QRFPR: variants seen among roughly 807,000 people sequenced by gnomAD.
QRFPR encodes pyroglutamylated RFamide peptide receptor.
A neutral mutation model predicts 31.3 loss-of-function variants in QRFPR; 37 were observed. The observed-to-expected ratio is 1.18, with a 90% CI of 0.91 to 1.56. The LOEUF (loss-of-function observed/expected upper bound fraction) is 1.56, where lower values mean the gene tolerates loss of function less well. Among genes scored for constraint, QRFPR ranks in the 40% most tolerant of loss-of-function variants. QRFPR has a pLI of 0.00. For synonymous variants in QRFPR, 197 were observed against 192.0 expected, an observed-to-expected ratio of 1.03 and a Z score of -0.22; for missense variants, 542 against 532.5, an observed-to-expected ratio of 1.02 and a Z score of -0.18.
Position 121,380,662 on chromosome 4 carries a change from G to T in QRFPR, c.-15C>A. 5 of 1,491,300 alleles carry T rather than the reference G, an allele frequency of 3.4e-6. No homozygotes were observed. The highest frequency in any genetic ancestry group is 4.5e-6 in the Non-Finnish European group (5 of 1,116,416). 92.4% of individuals were successfully genotyped at this position (1,491,300 alleles called of 1,614,324 possible). A position where few individuals can be genotyped will look rare whatever the true frequency, so the allele number is the denominator to read the frequency against. Reference sequence around the variant, plus strand: ...AGCGCCTGCATTGCTGTGCGCTCCCGGGACGCGGGGCCACCGCCCGCTACT... The same window carrying T: ...AGCGCCTGCATTGCTGTGCGCTCCCTGGACGCGGGGCCACCGCCCGCTACT... On this transcript the variant is annotated 5_prime_UTR_variant, in exon 1 of 6. Transcript: ENST00000394427.
chr4:121,339,178 G>A (rs1725492841), intron 2 of QRFPR, among the ~76,000 whole-genome samples: 1 of 152,164 alleles, frequency 6.6e-6, no homozygotes, highest in Non-Finnish European at 1.5e-5. Flanking sequence ...TCTTACAGCA[G>A]AAATAAATGT....
chr4:121,366,055 G>A (rs931479333), intron 1 of QRFPR, among the ~76,000 whole-genome samples: 15 of 149,120 alleles, frequency 1.0e-4, no homozygotes, highest in Admixed American at 2.0e-4. Flanking sequence ...TCTCAAACTA[G>A]TACCTGAGTT....
At chr4:121,330,067 CTG>C (rs1207994695) in intron 5 of QRFPR, among the ~76,000 whole-genome samples, 1 of 152,110 alleles carries the variant, frequency 6.6e-6, no homozygotes, top group Admixed American at 6.5e-5. Context: ...ATGGTAAGTC[CTG>C]GGTTATCAGA....
intron 1 of QRFPR, among the ~76,000 whole-genome samples, chr4:121,341,571 G>A (rs150996188): frequency 6.6e-6 from 1 of 152,278 alleles, no homozygotes; most frequent in East Asian, 1.9e-4. Flanking sequence ...GATGCCACAA[G>A]TAGAAAATTC....
chr4:121,330,519 T>G lies in QRFPR; in HGVS notation c.802A>C (p.Lys268Gln). 6.2e-7 allele frequency: 1 copy of G among 1,613,380 alleles called. No individual in the cohort carries two copies. Among genetic ancestry groups the G allele is most frequent in the South Asian group, 1.1e-5 (1 of 91,044 alleles). The change falls in exon 5 of 6, where the codon AAG becomes CAG. Residue 268 changes from lysine (K) to glutamine (Q), a missense_variant. Physicochemically the swap from Lys to Gln is moderately conservative, Grantham distance 53 (BLOSUM62 1). Transcript: ENST00000394427. ...ACCATCATAATGACAGCTCGTTTCT[T>G]CTTCCTAAACCCACAAGGAAACATT... is the stretch of plus-strand genomic sequence containing the variant. ...GKEMSKIARK[K>Q]KRAVIMMVTV...
At chr4:121,337,726 A>AT (rs1228658384) in intron 2 of QRFPR, among the ~76,000 whole-genome samples, 3 of 138,848 alleles carry the variant, frequency 2.2e-5, no homozygotes, top group Non-Finnish European at 3.2e-5. Context: ...TATAATAATA[A>AT]AAAAAAAAGA....
chr4:121,336,815 G>T lies in QRFPR; in HGVS notation c.553C>A (p.Gln185Lys). 1.2e-6 allele frequency: 2 copies of T among 1,612,924 alleles called. No individual in the cohort carries two copies. Among genetic ancestry groups the T allele is most frequent in the Non-Finnish European group, 1.7e-6 (2 of 1,178,874 alleles). Residue 185 changes from glutamine to lysine, a missense_variant, in exon 3 of 6, where the codon CAA becomes AAA. By Grantham distance (53) the Gln-to-Lys change is moderately conservative. Transcript: ENST00000394427. The stretch of plus-strand genomic sequence containing the variant: ...TCTCAACTGGAGTCTACCTCAAGTT[G>T]TTGCACGTGCCACATGGGTGATCCT... ...IVGSPMWHVQ[Q>K]LEIKYDFLYE...
At position 121,359,653 on chromosome 4, in the gene QRFPR, A is replaced by G. The variant is rs553644358; in HGVS notation, c.341-19043T>C. 1.6e-4 allele frequency among the ~76,000 whole-genome samples: 24 copies of G among 150,944 alleles called. No homozygotes were observed. In the South Asian group the frequency reaches 4.8e-3, roughly 30 times the overall value. On this transcript the variant is annotated intron_variant, in intron 1 of 5. Coordinates refer to ENST00000394427, the MANE Select transcript of QRFPR (RefSeq NM_198179.3). ...TATATATGTGTGTGTGTGTATATAT[A>G]TGTGTATATATATATATGTGTGTGT...
chr4:121,330,418 G>A lies in QRFPR; in HGVS notation c.895+8C>T, dbSNP rs1217334263. 6.4e-7 allele frequency: 1 copy of A among 1,570,266 alleles called. No homozygotes were observed. The highest frequency in any genetic ancestry group is 1.1e-5 in the South Asian group (1 of 89,752). On this transcript the variant is annotated splice_region_variant and intron_variant, in intron 5 of 5. Coordinates refer to ENST00000394427, the MANE Select transcript of QRFPR (RefSeq NM_198179.3). ...AATGTCTATCAAATGAGAATGACAA[G>A]CACTCACTGTATTCAATCATCATAT... is the stretch of plus-strand genomic sequence containing the variant.
At chr4:121,346,352 T>A (rs1212272377) in intron 1 of QRFPR, among the ~76,000 whole-genome samples, 1 of 152,208 alleles carries the variant, frequency 6.6e-6, no homozygotes. Context: ...CTGCCCCTCT[T>A]CCTGTATCAT....
chr4:121,368,638 C>A (rs1212941135), intron 1 of QRFPR, among the ~76,000 whole-genome samples: 1 of 149,966 alleles, frequency 6.7e-6, no homozygotes, highest in Non-Finnish European at 1.5e-5. Context: ...ATACCCAGGT[C>A]CCAAACAAAT....
chr4:121,342,989 C>T (rs568963778), intron 1 of QRFPR, among the ~76,000 whole-genome samples: 3 of 152,238 alleles, frequency 2.0e-5, no homozygotes, highest in African/African-American at 7.2e-5. Context: ...TCCTAGTTGT[C>T]GCAGCTGTTT....
intron 1 of QRFPR, among the ~76,000 whole-genome samples, chr4:121,361,941 A>G (rs1392981180): frequency 1.3e-5 from 2 of 150,252 alleles, no homozygotes; most frequent in Non-Finnish European, 3.0e-5. Context: ...AGTACTATTT[A>G]TTCTAAAATA....
rs773463011 is a variant in QRFPR, at chr4:121,332,862, C to T, written c.756G>A (p.Val252=). The T allele has an allele frequency of 6.2e-6, 10 of 1,614,056 alleles. No individual in the cohort carries two copies. The highest frequency in any genetic ancestry group is 5.5e-5 in the South Asian group (5 of 91,078). The change falls in exon 4 of 6, where the codon GTG becomes GTA. Residue 252 remains valine, a synonymous_variant. Coordinates refer to ENST00000394427, the MANE Select transcript of QRFPR (RefSeq NM_198179.3). ...WIKKRVGDGS[V]LRTIHGKEMS... is the part of the protein sequence containing the mutation. ...TTTCTTTTCCATGAATAGTTCGAAG[C>T]ACTGAACCATCCCCAACTCTTTTCT...
At chr4:121,359,369 G>A (rs558587314) in intron 1 of QRFPR, among the ~76,000 whole-genome samples, 224 of 152,226 alleles carry the variant, frequency 1.5e-3, no homozygotes, top group African/African-American at 5.2e-3. Flanking sequence ...GGAAAAGGCA[G>A]ACCCACCTTT....
intron 1 of QRFPR, among the ~76,000 whole-genome samples, chr4:121,351,231 A>G (rs962319604): frequency 6.6e-6 from 1 of 152,170 alleles, no homozygotes; most frequent in Non-Finnish European, 1.5e-5. Flanking sequence ...TTGACTTAGG[A>G]TGAGTGGGTC....
At chr4:121,331,814 G>A (rs905708430) in intron 4 of QRFPR, among the ~76,000 whole-genome samples, 1 of 151,730 alleles carries the variant, frequency 6.6e-6, no homozygotes, top group African/African-American at 2.4e-5. Context: ...GACCACGCCT[G>A]GCTAATTTTT....
chr4:121,334,294 T>C (rs985129852), intron 3 of QRFPR, among the ~76,000 whole-genome samples: 9 of 152,220 alleles, frequency 5.9e-5, no homozygotes, highest in African/African-American at 2.2e-4. Context: ...CAGATGGTTT[T>C]ATGGAAAATT....
intron 2 of QRFPR, among the ~76,000 whole-genome samples, chr4:121,338,984 A>G (rs1333702332): frequency 1.9e-4 from 29 of 152,244 alleles, no homozygotes; most frequent in Admixed American, 1.9e-3. Context: ...AATTATTAAA[A>G]GCCCAGAAAT....
Sources: allele counts gnomAD v4.1 joint callset (sites outside exome capture counted in the v4.1 genomes callset), GRCh38; gene constraint gnomAD v4.1.1; transcripts MANE v1.5; gene names NCBI Gene and HGNC (gene_info 2026-07-23, HGNC 2026-07-21).